CD68: variants seen among roughly 807,000 people sequenced by gnomAD.
The protein encoded by CD68 is macrosialin.
Under a neutral mutation model 31.3 loss-of-function variants are expected in CD68, and 24 were observed. The ratio of observed to expected loss-of-function variants is 0.77; its 90% CI spans 0.55 to 1.08. CD68 has a LOEUF of 1.08. Among genes scored for constraint, CD68 ranks in the 50% least tolerant of loss-of-function variants. The pLI, the probability that CD68 is intolerant of heterozygous loss-of-function variation, is 0.00. For synonymous variants in CD68, 190 were observed against 179.6 expected (o/e 1.06, Z -0.46); for missense variants, 461 against 442.5 (o/e 1.04, Z -0.38).
rs1442473275 is a variant in CD68 at position 7,579,922 on chromosome 17, C to T, written c.162C>T (p.Thr54=). ...ESTGTTSHRT[T]KSHKTTTHRT... ...CTGGAACAACCAGCCACAGGACTAC[C>T]AAGAGCCACAAAACCACCACTCACA... Residue 54 remains threonine (T), a synonymous_variant, in exon 2 of 6, where the codon ACC becomes ACT. Transcript: ENST00000250092. 1 of 1,614,034 alleles carries T rather than the reference C, an allele frequency of 6.2e-7. No homozygotes were observed. The highest frequency in any genetic ancestry group is 1.7e-5 in the Admixed American group (1 of 60,000).
In CD68 at chr17:7,581,363, C is replaced by G. The variant is rs749196214; in HGVS notation, c.932-15C>G. ...ACGTCACTGCAAATACCTACCTGCCCTATCCTTCCGCCAGGTTTCTCCTGC... is the reference window on the plus strand; with the variant it reads ...ACGTCACTGCAAATACCTACCTGCCGTATCCTTCCGCCAGGTTTCTCCTGC... On this transcript the variant is annotated splice_polypyrimidine_tract_variant and intron_variant, in intron 5 of 5. Coordinates refer to ENST00000250092, the MANE Select transcript of CD68 (RefSeq NM_001251.3). 1.2e-6 allele frequency: 2 copies of G among 1,614,138 alleles called. No individual in the cohort carries two copies. Among genetic ancestry groups the G allele is most frequent in the Non-Finnish European group, 1.7e-6 (2 of 1,179,984 alleles).
chr17:7,580,328 G>A lies in CD68; in HGVS notation c.567+1G>A. 1.2e-6 allele frequency: 2 copies of A among 1,611,032 alleles called. No homozygotes were observed. The highest frequency in any genetic ancestry group is 1.7e-6 in the Non-Finnish European group (2 of 1,177,750). Reference sequence around the variant, plus strand: ...GTACACAACCCAGGGTGGAGGAGAGGTAAAGCTAAAACTGGGGGATGAGAG... The same window carrying A: ...GTACACAACCCAGGGTGGAGGAGAGATAAAGCTAAAACTGGGGGATGAGAG... On this transcript the variant is annotated splice_donor_variant, in intron 2 of 5. Coordinates refer to ENST00000250092, the MANE Select transcript of CD68 (RefSeq NM_001251.3). LOFTEE classifies it high-confidence loss of function. The surrounding 1 kb of genome is among the most constrained non-coding windows in gnomAD (Gnocchi z 4.3).
At position 7,580,775 on chromosome 17, in the gene CD68, A is replaced by T. The variant is rs745459377; in HGVS notation, c.752A>T (p.His251Leu). The T allele has an allele frequency of 1.2e-6, 2 of 1,613,842 alleles. No individual in the cohort carries two copies. The highest frequency in any genetic ancestry group is 1.7e-6 in the Non-Finnish European group (2 of 1,179,958). Residue 251 changes from histidine to leucine, a missense_variant, in exon 4 of 6, where the codon CAC (histidine) becomes CTC (leucine). By Grantham distance (99) the His-to-Leu change is moderately conservative. Coordinates refer to ENST00000250092, the MANE Select transcript of CD68 (RefSeq NM_001251.3). The surrounding 1 kb of genome is among the most constrained non-coding windows in gnomAD (Gnocchi z 4.3). ...MAVEYNVSFP[H>L]AAQWTFSAQN... Reference sequence around the variant, plus strand: ...GTGGAGTACAATGTGTCCTTCCCCCACGCAGCACGTAAGTAACCTCCTTCC... The same window carrying T: ...GTGGAGTACAATGTGTCCTTCCCCCTCGCAGCACGTAAGTAACCTCCTTCC...
Position 7,581,401 on chromosome 17 carries a change from T to G in CD68, c.955T>G (p.Ser319Ala), listed in dbSNP as rs1294880925. 6.2e-7 allele frequency: 1 copy of G among 1,614,118 alleles called. No homozygotes were observed. The highest frequency in any genetic ancestry group is 1.1e-5 in the South Asian group (1 of 91,074). The change falls in exon 6 of 6, where the codon TCC (serine) becomes GCC (alanine). Residue 319 changes from serine to alanine, a missense_variant. Ser to Ala is a moderately conservative substitution (Grantham distance 99, BLOSUM62 1). Coordinates refer to ENST00000250092, the MANE Select transcript of CD68 (RefSeq NM_001251.3). ...AGGTTTCTCCTGCCCCAGTGACCGG[T>G]CCATCTTGCTGCCTCTCATCATCGG... ...GQSFSCPSDRSILLPLIIGLI... is the reference protein window; with the variant it reads ...GQSFSCPSDRAILLPLIIGLI...
Position 7,580,229 on chromosome 17 carries a change from A to G in CD68, c.469A>G (p.Ile157Val). The part of the protein sequence containing the change: ...PSPSPTSKET[I>V]GDYTWTNGSQ... ...TCCTAGCCCAACCTCCAAGGAGACC[A>G]TTGGAGACTACACGTGGACCAATGG... The change falls in exon 2 of 6, where the codon ATT (isoleucine) becomes GTT (valine). Residue 157 changes from isoleucine (I) to valine (V), a missense_variant. Transcript: ENST00000250092. This position sits in a 1 kb window ranked among gnomAD's most constrained non-coding sequence, Gnocchi z 4.3. The G allele has an allele frequency of 1.9e-6, 3 of 1,613,872 alleles. No homozygotes were observed. Among genetic ancestry groups the G allele is most frequent in the Non-Finnish European group, 2.5e-6 (3 of 1,179,920 alleles).
Position 7,580,252 on chromosome 17 carries a change from T to C in CD68, c.492T>C (p.Asn164=). 6.2e-7 allele frequency: 1 copy of C among 1,613,874 alleles called. No individual in the cohort carries two copies. Among genetic ancestry groups the C allele is most frequent in the Non-Finnish European group, 8.5e-7 (1 of 1,179,974 alleles). ...CCATTGGAGACTACACGTGGACCAATGGTTCCCAGCCCTGTGTCCACCTCC... is the reference window on the plus strand; with the variant it reads ...CCATTGGAGACTACACGTGGACCAACGGTTCCCAGCCCTGTGTCCACCTCC... ...KETIGDYTWT[N]GSQPCVHLQA... Residue 164 remains asparagine, a synonymous_variant, in exon 2 of 6, where the codon AAT becomes AAC. Transcript: ENST00000250092. The surrounding 1 kb of genome is among the most constrained non-coding windows in gnomAD (Gnocchi z 4.3).
Position 7,579,875 on chromosome 17 carries a change from A to T in CD68, c.115A>T (p.Thr39Ser). 1.2e-6 allele frequency: 2 copies of T among 1,614,006 alleles called. No individual in the cohort carries two copies. Among genetic ancestry groups the T allele is most frequent in the South Asian group, 1.1e-5 (1 of 91,060 alleles). The change falls in exon 2 of 6, where the codon ACA becomes TCA. Residue 39 changes from threonine to serine, a missense_variant. Coordinates refer to ENST00000250092, the MANE Select transcript of CD68 (RefSeq NM_001251.3). Reference sequence around the variant, plus strand: ...TACTTTGCTGCCATCCTTCACGGTGACACCCACGGTTACAGAGAGCACTGG... The same window carrying T: ...TACTTTGCTGCCATCCTTCACGGTGTCACCCACGGTTACAGAGAGCACTGG... The part of the protein sequence containing the change: ...SATLLPSFTV[T>S]PTVTESTGTT...
In CD68 at chr17:7,580,558, T is replaced by C. The variant is rs750621680; in HGVS notation, c.660T>C (p.Tyr220=). 4 of 1,613,930 alleles carry C rather than the reference T, an allele frequency of 2.5e-6. No individual in the cohort carries two copies. The highest frequency in any genetic ancestry group is 2.5e-6 in the Non-Finnish European group (3 of 1,180,008). The change falls in exon 3 of 6, where the codon TAT becomes TAC. Residue 220 remains tyrosine, a synonymous_variant. Transcript: ENST00000250092. The surrounding 1 kb of genome is among the most constrained non-coding windows in gnomAD (Gnocchi z 4.3). ...CCCACCTGCTTCTCTCATTCCCCTA[T>C]GGACACCTCAGCTTTGGATTCATGC... is the stretch of plus-strand genomic sequence containing the variant. ...AHPHLLLSFP[Y]GHLSFGFMQD...
chr17:7,581,149 CTCT>C (rs1220947152), intron 5 of CD68, 83 bp downstream of exon 5: 12 of 1,307,098 alleles, frequency 9.2e-6, no homozygotes, highest in African/African-American at 8.8e-5. Flanking sequence ...CCACTCATCT[CTCT>C]TCTTAACCCC....
Position 7,580,272 on chromosome 17 carries a change from A to C in CD68, c.512A>C (p.His171Pro), listed in dbSNP as rs765059300. ...ACCAATGGTTCCCAGCCCTGTGTCC[A>C]CCTCCAAGCCCAGATTCAGATTCGA... ...TWTNGSQPCV[H>P]LQAQIQIRVM... The change falls in exon 2 of 6, where the codon CAC becomes CCC. Residue 171 changes from histidine (H) to proline (P), a missense_variant. His to Pro is a moderately conservative substitution (Grantham distance 77). Coordinates refer to ENST00000250092, the MANE Select transcript of CD68 (RefSeq NM_001251.3). The surrounding 1 kb of genome is among the most constrained non-coding windows in gnomAD (Gnocchi z 4.3). 1.8e-5 allele frequency: 29 copies of C among 1,613,514 alleles called. No homozygotes were observed. Among genetic ancestry groups the C allele is most frequent in the African/African-American group, 2.7e-5 (2 of 74,714 alleles).
rs540787048 is a variant in CD68 at position 7,581,080 on chromosome 17, A to G, written c.931+14A>G. On this transcript the variant is annotated intron_variant, in intron 5 of 5. Coordinates refer to ENST00000250092, the MANE Select transcript of CD68 (RefSeq NM_001251.3). ...TCTTTGGGCAAAGTAAGACCTACCT[A>G]CTCCTTCCCTCCTAGAATCCTCCCA... 12 of 1,594,492 alleles carry G rather than the reference A, an allele frequency of 7.5e-6. No homozygotes were observed. Among genetic ancestry groups the G allele is most frequent in the African/African-American group, 6.8e-5 (5 of 73,682 alleles).
In CD68 at chr17:7,579,878, C is replaced by T. The variant is rs374658534; in HGVS notation, c.118C>T (p.Pro40Ser). 48 of 1,613,926 alleles carry T rather than the reference C, an allele frequency of 3.0e-5. No homozygotes were observed. The highest frequency in any genetic ancestry group is 3.8e-5 in the Non-Finnish European group (45 of 1,180,002). The change falls in exon 2 of 6, where the codon CCC becomes TCC. Residue 40 changes from proline (P) to serine (S), a missense_variant. By Grantham distance (74) the Pro-to-Ser change is moderately conservative (BLOSUM62 -1). Transcript: ENST00000250092. ...ATLLPSFTVT[P>S]TVTESTGTTS... ...TTTGCTGCCATCCTTCACGGTGACACCCACGGTTACAGAGAGCACTGGAAC... is the reference window on the plus strand; with the variant it reads ...TTTGCTGCCATCCTTCACGGTGACATCCACGGTTACAGAGAGCACTGGAAC...
In CD68 at chr17:7,580,300, C is replaced by A; in HGVS notation, c.540C>A (p.Val180=). 2 of 1,613,818 alleles carry A rather than the reference C, an allele frequency of 1.2e-6. No individual in the cohort carries two copies. The highest frequency in any genetic ancestry group is 3.3e-5 in the Admixed American group (2 of 59,988). The change falls in exon 2 of 6, where the codon GTC becomes GTA. Residue 180 remains valine (V), a synonymous_variant. Transcript: ENST00000250092. This position sits in a 1 kb window ranked among gnomAD's most constrained non-coding sequence, Gnocchi z 4.3. ...TCCAAGCCCAGATTCAGATTCGAGT[C>A]ATGTACACAACCCAGGGTGGAGGAG... ...VHLQAQIQIR[V]MYTTQGGGEA... is the part of the protein sequence containing the mutation.
In CD68 at chr17:7,579,705, G is replaced by A. The variant is rs764007977; in HGVS notation, c.28G>A (p.Ala10Thr). The change falls in exon 1 of 6, where the codon GCC becomes ACC. Residue 10 changes from alanine to threonine, a missense_variant. Ala to Thr is a moderately conservative substitution (Grantham distance 58, BLOSUM62 0). Transcript: ENST00000250092. Reference protein sequence around the residue: MRLAVLFSGALLGLLAAQGT... With the variant: MRLAVLFSGTLLGLLAAQGT... ...GAGGCTGGCTGTGCTTTTCTCGGGG[G>A]CCCTGCTGGGGCTACTGGCAGGTAA... 9 of 1,603,446 alleles carry A rather than the reference G, an allele frequency of 5.6e-6. No homozygotes were observed. The East Asian group carries it at 1.1e-4, about 20-fold the overall frequency.
Position 7,581,510 on chromosome 17 carries a change from G to C in CD68, c.1064G>C (p.Ter355SerextTer52). Reference protein sequence around the residue: ...RRRPSAYQAL* With the variant: ...RRRPSAYQALS ...CGCCCATCCGCCTACCAGGCCCTCT[G>C]AGCATTTGCTTCAAACCCCAGGGCA... Residue 355 changes from the stop codon to serine, a stop_lost, in exon 6 of 6, where the codon TGA becomes TCA. Transcript: ENST00000250092. 6.2e-7 allele frequency: 1 copy of C among 1,614,020 alleles called. No homozygotes were observed. The highest frequency in any genetic ancestry group is 8.5e-7 in the Non-Finnish European group (1 of 1,179,988).
Position 7,580,025 on chromosome 17 carries a change from G to A in CD68, c.265G>A (p.Val89Ile), listed in dbSNP as rs780871485. 3.1e-6 allele frequency: 5 copies of A among 1,613,834 alleles called. No individual in the cohort carries two copies. Among genetic ancestry groups the A allele is most frequent in the Middle Eastern group, 1.6e-4 (1 of 6,062 alleles). ...HNPTTTSHGN[V>I]TVHPTSNSTA... Reference sequence around the variant, plus strand: ...CCCCACCACCACCAGCCATGGAAACGTCACAGTTCATCCAACAAGCAATAG... The same window carrying A: ...CCCCACCACCACCAGCCATGGAAACATCACAGTTCATCCAACAAGCAATAG... Residue 89 changes from valine (V) to isoleucine (I), a missense_variant, in exon 2 of 6, where the codon GTC (valine) becomes ATC (isoleucine). Val to Ile is a conservative substitution (Grantham distance 29, BLOSUM62 3). Coordinates refer to ENST00000250092, the MANE Select transcript of CD68 (RefSeq NM_001251.3). The surrounding 1 kb of genome is among the most constrained non-coding windows in gnomAD (Gnocchi z 4.3).
rs2071469334 is a variant in CD68 at position 7,580,442 on chromosome 17, C to A, written c.568-24C>A. The A allele has an allele frequency of 6.2e-7, 1 of 1,613,638 alleles. No homozygotes were observed. Among genetic ancestry groups the A allele is most frequent in the Non-Finnish European group, 8.5e-7 (1 of 1,179,822 alleles). On this transcript the variant is annotated intron_variant, in intron 2 of 5. Coordinates refer to ENST00000250092, the MANE Select transcript of CD68 (RefSeq NM_001251.3). This position sits in a 1 kb window ranked among gnomAD's most constrained non-coding sequence, Gnocchi z 4.3. ...GCCGGCATCGCATGCAGTCTTGTGACCTTCCAGTCTTTAACTTCCGCAGGC... is the reference window on the plus strand; with the variant it reads ...GCCGGCATCGCATGCAGTCTTGTGAACTTCCAGTCTTTAACTTCCGCAGGC...
chr17:7,580,393 A>T lies in CD68; in HGVS notation c.567+66A>T. ...ACTGGATATAGGCTCAGAGGGAAGAAGGAAGAGGGGACAGGGAACCTTGGC... is the reference window on the plus strand; with the variant it reads ...ACTGGATATAGGCTCAGAGGGAAGATGGAAGAGGGGACAGGGAACCTTGGC... On this transcript the variant is annotated intron_variant, in intron 2 of 5. Coordinates refer to ENST00000250092, the MANE Select transcript of CD68 (RefSeq NM_001251.3). This position sits in a 1 kb window ranked among gnomAD's most constrained non-coding sequence, Gnocchi z 4.3. 6.2e-7 allele frequency: 1 copy of T among 1,610,108 alleles called. No homozygotes were observed. Among genetic ancestry groups the T allele is most frequent in the Non-Finnish European group, 8.5e-7 (1 of 1,177,214 alleles).
At position 7,580,084 on chromosome 17, in the gene CD68, T is replaced by G; in HGVS notation, c.324T>G (p.Thr108=). The G allele has an allele frequency of 6.2e-7, 1 of 1,613,572 alleles. No homozygotes were observed. The highest frequency in any genetic ancestry group is 1.1e-5 in the South Asian group (1 of 91,020). ...CCAGCCAGGGACCCTCAACTGCCACTCACAGTCCTGCCACCACTAGTCATG... is the reference window on the plus strand; with the variant it reads ...CCAGCCAGGGACCCTCAACTGCCACGCACAGTCCTGCCACCACTAGTCATG... ...TATSQGPSTA[T]HSPATTSHGN... The change falls in exon 2 of 6, where the codon ACT becomes ACG. Residue 108 remains threonine, a synonymous_variant. Transcript: ENST00000250092. The surrounding 1 kb of genome is among the most constrained non-coding windows in gnomAD (Gnocchi z 4.3).
Sources: allele counts gnomAD v4.1 joint callset, GRCh38; gene constraint gnomAD v4.1.1; non-coding constraint Gnocchi (gnomAD v3.1); transcripts MANE v1.5; gene names NCBI Gene and HGNC (gene_info 2026-07-23, HGNC 2026-07-21).